NRXN3: variants seen among roughly 807,000 people sequenced by gnomAD.
NRXN3 encodes the protein neurexin III.
A neutral mutation model predicts 137.6 loss-of-function variants in NRXN3; 32 were observed. That is an observed-to-expected ratio of 0.23 (90% CI 0.18 to 0.31). NRXN3 has a LOEUF of 0.31. Among genes scored for constraint, NRXN3 ranks in the 10% least tolerant of loss-of-function variants. The probability of loss-of-function intolerance (pLI) is 1.00; values close to 1 mark genes in which losing one functional copy is unlikely to be tolerated. For missense variants in NRXN3, 1,574 were observed against 2,062.5 expected (o/e 0.76, Z 4.59); for synonymous variants, 798 against 784.5 (o/e 1.02, Z -0.29).
At chr14:79,178,394 A>G (rs1484758034) in intron 15 of NRXN3, among the ~76,000 whole-genome samples, 1 of 152,096 alleles carries the variant, frequency 6.6e-6, no homozygotes, top group Admixed American at 6.6e-5. Flanking sequence ...TTAGCCTACT[A>G]TTGTGGAAGT....
chr14:78,959,812 T>C (rs1277611290), intron 11 of NRXN3, among the ~76,000 whole-genome samples: 1 of 150,404 alleles, frequency 6.6e-6, no homozygotes, highest in East Asian at 1.9e-4. Flanking sequence ...GTCACACATC[T>C]GTTGCTCACT....
chr14:79,043,691 G>A (rs980137534), intron 15 of NRXN3, among the ~76,000 whole-genome samples: 2 of 152,124 alleles, frequency 1.3e-5, no homozygotes, highest in Non-Finnish European at 2.9e-5. Flanking sequence ...GCGGCAGTGT[G>A]GCTTGTGGTT....
intron 4 of NRXN3, among the ~76,000 whole-genome samples, chr14:78,347,003 G>T (rs2082827351): frequency 6.6e-6 from 1 of 152,108 alleles, no homozygotes; most frequent in Non-Finnish European, 1.5e-5. Flanking sequence ...TGTGATAGAG[G>T]GTGCACATTA....
chr14:78,444,347 C>A (rs925767601), intron 4 of NRXN3, among the ~76,000 whole-genome samples: 1 of 152,160 alleles, frequency 6.6e-6, no homozygotes, highest in South Asian at 2.1e-4. Flanking sequence ...GGGTGCCCAG[C>A]TCCTGTGTTT....
intron 15 of NRXN3, among the ~76,000 whole-genome samples, chr14:79,466,655 G>A (rs2096430109): frequency 6.6e-6 from 1 of 152,102 alleles, no homozygotes; most frequent in South Asian, 2.1e-4. Flanking sequence ...TAGTGAAATA[G>A]GCAAATGCAT....
At chr14:78,315,015 T>A (rs2078531700) in intron 4 of NRXN3, among the ~76,000 whole-genome samples, 1 of 148,650 alleles carries the variant, frequency 6.7e-6, no homozygotes, top group South Asian at 2.2e-4. Flanking sequence ...CTTTCTTTTC[T>A]TTTTATTTTT....
chr14:78,298,202 C>T (rs572663826), intron 4 of NRXN3, among the ~76,000 whole-genome samples: 20 of 152,324 alleles, frequency 1.3e-4, no homozygotes, highest in Admixed American at 2.0e-4. Flanking sequence ...AGCAACCAAG[C>T]GGTTAACTTC....
chr14:78,194,130 A>G (rs12879382), intron 1 of NRXN3, among the ~76,000 whole-genome samples: 129,026 of 152,206 alleles, frequency 0.85, 54,924 homozygotes, highest in East Asian at 0.9. Flanking sequence ...TTCCATCTGC[A>G]TGAAAAGGAT....
At chr14:78,177,456 C>T (rs2059385013) in intron 1 of NRXN3, among the ~76,000 whole-genome samples, 1 of 151,972 alleles carries the variant, frequency 6.6e-6, no homozygotes, top group Admixed American at 6.6e-5. Flanking sequence ...TTAGCCAAGA[C>T]CTTGAAGCAG....
intron 15 of NRXN3, among the ~76,000 whole-genome samples, chr14:79,041,102 A>G (rs1198767242): frequency 6.6e-6 from 1 of 152,128 alleles, no homozygotes; most frequent in Admixed American, 6.6e-5. Context: ...ACCTGAGTTC[A>G]AATCCTGATT....
chr14:78,596,179 G>A (rs2097156642), intron 4 of NRXN3, among the ~76,000 whole-genome samples: 3 of 152,112 alleles, frequency 2.0e-5, no homozygotes, highest in Admixed American at 1.3e-4. Context: ...GGCTGCCCTC[G>A]GGGTTACTTA....
intron 4 of NRXN3, among the ~76,000 whole-genome samples, chr14:78,299,966 T>G (rs1453056827): frequency 6.6e-6 from 1 of 152,244 alleles, no homozygotes; most frequent in Admixed American, 6.5e-5. Flanking sequence ...GTCCTTTGAC[T>G]GCATTCCTCT....
intron 8 of NRXN3, among the ~76,000 whole-genome samples, chr14:78,728,802 G>A (rs2098500120): frequency 6.6e-6 from 1 of 152,190 alleles, no homozygotes; most frequent in South Asian, 2.1e-4. Flanking sequence ...AGGAGGCTGA[G>A]GCAGGAGAAT....
At chr14:78,220,306 AG>A (rs1188343720) in intron 1 of NRXN3, among the ~76,000 whole-genome samples, 1 of 151,994 alleles carries the variant, frequency 6.6e-6, no homozygotes, top group Non-Finnish European at 1.5e-5. Flanking sequence ...GGTGGTGGGG[AG>A]AAAAGGAGCA....
chr14:79,836,454 T>C (rs1264008151), intron 20 of NRXN3, among the ~76,000 whole-genome samples: 1 of 58,562 alleles, frequency 1.7e-5, no homozygotes, highest in Non-Finnish European at 3.5e-5. Context: ...GAAAGTTCCA[T>C]CCACTATTCT....
chr14:78,577,393 A>G (rs1265623200), intron 4 of NRXN3, among the ~76,000 whole-genome samples: 1 of 152,214 alleles, frequency 6.6e-6, no homozygotes, highest in East Asian at 1.9e-4. Context: ...ATAGATAGAA[A>G]TTTGCATAGA....
rs541808307 is a variant in NRXN3, at chr14:78,694,590, CTTAAG to C, written c.1222-14623_1222-14619del. Among the ~76,000 whole-genome samples the C allele has an allele frequency of 1.6e-3, 236 of 151,964 alleles. 1 individual carries two copies. The highest frequency in any genetic ancestry group is 5.6e-3 in the African/African-American group (230 of 41,416). ...TGTTTAATTTTTGCTTGGAGTTGAA[CTTAAG>C]TTATGGTGCCTTATGAGAGAGTCAG... On this transcript the variant is annotated intron_variant, in intron 6 of 20. Coordinates refer to ENST00000335750, the MANE Select transcript of NRXN3 (RefSeq NM_001330195.2).
intron 15 of NRXN3, among the ~76,000 whole-genome samples, chr14:79,080,405 A>G (rs1227664378): frequency 6.6e-6 from 1 of 152,230 alleles, no homozygotes; most frequent in Non-Finnish European, 1.5e-5. Context: ...GTTACCAAGT[A>G]GAATAGATTG....
At chr14:78,376,663 C>T (rs1316151722) in intron 4 of NRXN3, among the ~76,000 whole-genome samples, 1 of 151,172 alleles carries the variant, frequency 6.6e-6, no homozygotes, top group East Asian at 2.0e-4. Context: ...CTGGAAACAT[C>T]AATCTACACA....
Sources: allele counts gnomAD v4.1 joint callset (sites outside exome capture counted in the v4.1 genomes callset), GRCh38; gene constraint gnomAD v4.1.1; transcripts MANE v1.5; gene names NCBI Gene and HGNC (gene_info 2026-07-23, HGNC 2026-07-21).